Variants in GTF2B observed in about 807,000 individuals in gnomAD.
GTF2B encodes transcription initiation factor IIB.
In GTF2B, 20 loss-of-function variants were observed where a neutral mutation model predicts 34.6. The ratio of observed to expected loss-of-function variants is 0.58; its 90% CI spans 0.41 to 0.84. The LOEUF is 0.84. Among genes scored for constraint, GTF2B ranks in the 40% least tolerant of loss-of-function variants. GTF2B has a pLI of 0.00. For synonymous variants in GTF2B, 142 were observed against 132.4 expected (o/e 1.07, Z -0.50); for missense variants, 237 against 393.3 (o/e 0.60, Z 3.36).
Position 88,859,853 on chromosome 1 carries a change from A to AACAC in GTF2B, c.535+25_535+28dup, listed in dbSNP as rs771278467. 3 of 1,600,754 alleles carry AACAC rather than the reference A, an allele frequency of 1.9e-6. No homozygotes were observed. The South Asian group carries it at 3.3e-5, about 18-fold the overall frequency. On this transcript the variant is annotated intron_variant, in intron 5 of 6. Transcript: ENST00000370500. ...CCTATCTCAAACAAACAAACAAACAAACACAAAAAAACAAAGCTAAAAACT... is the reference window on the plus strand; with the variant it reads ...CCTATCTCAAACAAACAAACAAACAAACACACACAAAAAAACAAAGCTAAAAACT...
chr1:88,863,171 T>G (rs923832046), intron 3 of GTF2B, among the ~76,000 whole-genome samples: 1 of 152,170 alleles, frequency 6.6e-6, no homozygotes, highest in Non-Finnish European at 1.5e-5. Flanking sequence ...ACATGTTATA[T>G]AAATACTTTA....
intron 3 of GTF2B, among the ~76,000 whole-genome samples, chr1:88,862,391 A>G (rs893690516): frequency 3.9e-5 from 6 of 152,110 alleles, no homozygotes; most frequent in Non-Finnish European, 8.8e-5. Flanking sequence ...AAAATACAAA[A>G]ATTAGCCATG....
Position 88,853,185 on chromosome 1 carries a change from T to G in GTF2B, c.*28A>C, listed in dbSNP as rs200000845. 20 of 1,609,956 alleles carry G rather than the reference T, an allele frequency of 1.2e-5. No individual in the cohort carries two copies. The highest frequency in any genetic ancestry group is 1.6e-5 in the Non-Finnish European group (19 of 1,176,330). ...ATGTACAACAGGCAAAGTTTTGTAT[T>G]CAAGAATTTGACGTTAGCTGCCTCA... is the stretch of plus-strand genomic sequence containing the variant. On this transcript the variant is annotated 3_prime_UTR_variant, in exon 7 of 7. Transcript: ENST00000370500.
chr1:88,890,158 A>C (rs879301284), intron 1 of GTF2B, among the ~76,000 whole-genome samples: 1 of 116,098 alleles, frequency 8.6e-6, no homozygotes, highest in East Asian at 2.1e-4. Flanking sequence ...TGATAGAATT[A>C]AAAAAAAAAA....
At chr1:88,886,546 T>C (rs1674072656) in intron 2 of GTF2B, among the ~76,000 whole-genome samples, 1 of 152,182 alleles carries the variant, frequency 6.6e-6, no homozygotes, top group Non-Finnish European at 1.5e-5. Flanking sequence ...TAAAAGGCTT[T>C]AAGTGGGACT....
At chr1:88,860,511 G>A (rs1186892508) in intron 3 of GTF2B, among the ~76,000 whole-genome samples, 1 of 151,834 alleles carries the variant, frequency 6.6e-6, no homozygotes, top group Non-Finnish European at 1.5e-5. Context: ...ACAAACACCT[G>A]ACAAAACAAT....
chr1:88,856,272 C>CAAAAAAAA lies in GTF2B; in HGVS notation c.817+926_817+933dup, dbSNP rs377030804. 1.5e-3 allele frequency among the ~76,000 whole-genome samples: 73 copies of CAAAAAAAA among 49,976 alleles called. 8 individuals carry two copies. Among genetic ancestry groups the CAAAAAAAA allele is most frequent in the Admixed American group, 1.7e-3 (5 of 2,882 alleles). The allele number at this position is 49,976 out of a possible 152,430, so 32.8% of individuals were successfully genotyped here. A position where few individuals can be genotyped will look rare whatever the true frequency, so the allele number is the denominator to read the frequency against. On this transcript the variant is annotated intron_variant, in intron 6 of 6. Coordinates refer to ENST00000370500, the MANE Select transcript of GTF2B (RefSeq NM_001514.6). ...CAACAGAGGGAGACTGTTTCAAAAA[C>CAAAAAAAA]AAAAAAAAAAAAAAAAAACAAAAAA...
chr1:88,882,621 A>G (rs1292283490), intron 2 of GTF2B, among the ~76,000 whole-genome samples: 3 of 152,222 alleles, frequency 2.0e-5, no homozygotes, highest in Non-Finnish European at 2.9e-5. Flanking sequence ...ACTTAATTGG[A>G]GTTCAAAGTT....
At chr1:88,884,032 T>C (rs1310765053) in intron 2 of GTF2B, among the ~76,000 whole-genome samples, 1 of 148,818 alleles carries the variant, frequency 6.7e-6, no homozygotes, top group Non-Finnish European at 1.5e-5. Flanking sequence ...ACTTTTTTTT[T>C]TTTTTTTTTT....
Position 88,884,364 on chromosome 1 carries a change from A to G in GTF2B, c.124+2897T>C, listed in dbSNP as rs1408884098. Among the ~76,000 whole-genome samples, 6 of 152,214 alleles carry G rather than the reference A, an allele frequency of 3.9e-5. No individual in the cohort carries two copies. The South Asian group carries it at 8.3e-4, about 21-fold the overall frequency. Reference sequence around the variant, plus strand: ...TTGAATAAACAACTGCAAAGCAGCAATAACATTGATCTAGTCATCAAGAGC... The same window carrying G: ...TTGAATAAACAACTGCAAAGCAGCAGTAACATTGATCTAGTCATCAAGAGC... On this transcript the variant is annotated intron_variant, in intron 2 of 6. Coordinates refer to ENST00000370500, the MANE Select transcript of GTF2B (RefSeq NM_001514.6).
chr1:88,874,496 AATTTTTTTTTTTT>A (rs935614727), intron 2 of GTF2B, among the ~76,000 whole-genome samples: 2 of 102,764 alleles, frequency 1.9e-5, no homozygotes, highest in African/African-American at 6.9e-5. Context: ...CAGCTAATTA[AATTTTTTTTTTTT>A]TTTTTTTTTT....
At chr1:88,858,234 C>T (rs534156742) in intron 5 of GTF2B, among the ~76,000 whole-genome samples, 40 of 151,642 alleles carry the variant, frequency 2.6e-4, no homozygotes, top group African/African-American at 9.2e-4. Context: ...CTCCTGACCT[C>T]GTGATCTACC....
chr1:88,885,585 T>A (rs1674048300), intron 2 of GTF2B, among the ~76,000 whole-genome samples: 1 of 151,292 alleles, frequency 6.6e-6, no homozygotes, highest in South Asian at 2.1e-4. Context: ...CCGTCTCTAC[T>A]AAAAAAAATA....
intron 2 of GTF2B, among the ~76,000 whole-genome samples, chr1:88,871,091 G>A (rs1364449066): frequency 1.3e-5 from 2 of 151,840 alleles, no homozygotes; most frequent in South Asian, 2.1e-4. Flanking sequence ...TAGTAGAGAC[G>A]GGGTTTCATT....
chr1:88,878,755 T>A (rs543054195), intron 2 of GTF2B, among the ~76,000 whole-genome samples: 1 of 152,334 alleles, frequency 6.6e-6, no homozygotes, highest in South Asian at 2.1e-4. Context: ...CATGTCTAGC[T>A]TCCACTTTCT....
intron 2 of GTF2B, among the ~76,000 whole-genome samples, chr1:88,873,534 T>C (rs530547166): frequency 2.2e-4 from 34 of 152,114 alleles, no homozygotes; most frequent in Non-Finnish European, 4.6e-4. Context: ...GACATACAGG[T>C]AGGGTTGCTA....
At chr1:88,887,462 C>A in intron 1 of GTF2B, 95 bp from the exon 2 acceptor site, 6 of 770,664 alleles carry the variant, frequency 7.8e-6, no homozygotes, top group South Asian at 4.1e-5. Context: ...AGATTGTGAA[C>A]GTTTTTTCAT....
chr1:88,883,042 A>G (rs1310970367), intron 2 of GTF2B, among the ~76,000 whole-genome samples: 1 of 152,264 alleles, frequency 6.6e-6, no homozygotes, highest in Non-Finnish European at 1.5e-5. Context: ...ATCCTATTTT[A>G]ACTTCTGACA....
intron 2 of GTF2B, among the ~76,000 whole-genome samples, chr1:88,868,444 C>T (rs1436558849): frequency 6.6e-6 from 1 of 152,202 alleles, no homozygotes; most frequent in Non-Finnish European, 1.5e-5. Context: ...TGACCTTTAA[C>T]ACTTTTAATC....
Sources: allele counts gnomAD v4.1 joint callset (sites outside exome capture counted in the v4.1 genomes callset), GRCh38; gene constraint gnomAD v4.1.1; transcripts MANE v1.5; gene names NCBI Gene and HGNC (gene_info 2026-07-23, HGNC 2026-07-21).